Variants in AREL1 observed in about 807,000 individuals in gnomAD.
AREL1 encodes the protein apoptosis-resistant E3 ubiquitin protein ligase 1.
AREL1 carries 62 observed loss-of-function variants against 99.0 expected under a neutral mutation model. That is an observed-to-expected ratio of 0.63 (90% CI 0.51 to 0.77). The LOEUF is 0.77. Ranked by LOEUF, AREL1 falls within the 30% of genes least tolerant of loss-of-function variation. The probability of loss-of-function intolerance (pLI) is 0.00; values close to 1 mark genes in which losing one functional copy is unlikely to be tolerated. For synonymous variants in AREL1, 380 were observed against 376.5 expected, an observed-to-expected ratio of 1.01 and a Z score of -0.11; for missense variants, 879 against 1,027.6, an observed-to-expected ratio of 0.86 and a Z score of 1.98.
At chr14:74,698,729 G>A (rs1248740626) in intron 1 of AREL1, 1 of 171,282 alleles carries the variant, frequency 5.8e-6, no homozygotes, top group Non-Finnish European at 1.3e-5. Context: ...GATTACTTAA[G>A]AATGAGTAAG....
chr14:74,667,484 C>A lies in AREL1; in HGVS notation c.2025G>T (p.Glu675Asp), dbSNP rs1304595889. Residue 675 changes from glutamate to aspartate, a missense_variant, in exon 16 of 20, where the codon GAG becomes GAT. By Grantham distance (45) the Glu-to-Asp change is conservative. Transcript: ENST00000356357. ...QYRLASQVKEEVEHFLKGLNE... is the reference protein window; with the variant it reads ...QYRLASQVKEDVEHFLKGLNE... ...TCCCACCTTTTAGGAAATGTTCCAC[C>A]TCCTCTTTCACTTGACTGGCCAGCC... The A allele has an allele frequency of 6.8e-6, 11 of 1,613,360 alleles. No individual in the cohort carries two copies. In the Admixed American group the frequency reaches 1.7e-4, roughly 24 times the overall value.
In AREL1 at chr14:74,713,017, C is replaced by CA. The variant is rs1404693490; in HGVS notation, c.-419dup. The CA allele has an allele frequency of 1.0e-6, 1 of 1,004,890 alleles. No individual in the cohort carries two copies. Among genetic ancestry groups the CA allele is most frequent in the African/African-American group, 1.6e-5 (1 of 63,142 alleles). 62.2% of individuals were successfully genotyped at this position (1,004,890 alleles called of 1,614,324 possible). ...AGCACTCAGCAGAAGACGGGCTCCC[C>CA]ACTCTCCCACCAACAGACCCCAGAG... On this transcript the variant is annotated 5_prime_UTR_variant, in exon 1 of 20. Transcript: ENST00000356357.
intron 1 of AREL1, among the ~76,000 whole-genome samples, chr14:74,695,893 T>C (rs2089971697): frequency 6.6e-6 from 1 of 152,164 alleles, no homozygotes; most frequent in South Asian, 2.1e-4. Context: ...GAGCAATCAG[T>C]ATGAGAAGGG....
At chr14:74,669,818 C>T (rs2089290731) in intron 14 of AREL1, 44 bp from the exon 15 acceptor site, 2 of 1,609,622 alleles carry the variant, frequency 1.2e-6, no homozygotes, top group Non-Finnish European at 1.7e-6. Context: ...AATACTCTTG[C>T]CCTGAAAGGT....
At chr14:74,688,019 C>CA (rs1566693658) in intron 2 of AREL1, among the ~76,000 whole-genome samples, 37 of 108,718 alleles carry the variant, frequency 3.4e-4, no homozygotes, top group South Asian at 1.8e-3. Flanking sequence ...TGAGTACTTA[C>CA]TTTTTTTTTT....
At chr14:74,709,936 A>G (rs2090250265) in intron 1 of AREL1, among the ~76,000 whole-genome samples, 2 of 152,218 alleles carry the variant, frequency 1.3e-5, no homozygotes, top group Admixed American at 6.5e-5. Context: ...TCCAAGCCCA[A>G]TTATGTGTTC....
intron 13 of AREL1, chr14:74,670,537 G>A: frequency 1.9e-6 from 1 of 521,602 alleles, no homozygotes; most frequent in Non-Finnish European, 3.4e-6. Flanking sequence ...ATACTATAAT[G>A]TTTTTAGTCA....
rs764034669 is a variant in AREL1 at position 74,688,019 on chromosome 14, C to CTT, written c.-45-2361_-45-2360dup. Among the ~76,000 whole-genome samples, 83 of 108,720 alleles carry CTT rather than the reference C, an allele frequency of 7.6e-4. 4 individuals are homozygous for CTT. Among genetic ancestry groups the CTT allele is most frequent in the South Asian group, 1.2e-3 (4 of 3,416 alleles). 71.3% of individuals were successfully genotyped at this position (108,720 alleles called of 152,430 possible). A position where few individuals can be genotyped will look rare whatever the true frequency, so the allele number is the denominator to read the frequency against. On this transcript the variant is annotated intron_variant, in intron 2 of 19. Transcript: ENST00000356357. ...TCGTCCAACAAATACTGAGTACTTA[C>CTT]TTTTTTTTTTTTTTTTTTTTTTTTT...
chr14:74,677,264 G>A (rs1167022488), intron 5 of AREL1, among the ~76,000 whole-genome samples: 1 of 151,752 alleles, frequency 6.6e-6, no homozygotes, highest in Non-Finnish European at 1.5e-5. Context: ...GGAGGCCAAG[G>A]CCAGAGAATC....
At chr14:74,694,914 G>A (rs576119051) in intron 1 of AREL1, among the ~76,000 whole-genome samples, 184 of 151,108 alleles carry the variant, frequency 1.2e-3, no homozygotes, top group African/African-American at 4.2e-3. Flanking sequence ...GTGTGAACCC[G>A]GGAGGCGGAG....
intron 2 of AREL1, among the ~76,000 whole-genome samples, chr14:74,686,855 G>A (rs1398942510): frequency 6.6e-6 from 1 of 152,140 alleles, no homozygotes; most frequent in Non-Finnish European, 1.5e-5. Context: ...GAATTGTCAC[G>A]TGGATGAAGG....
Position 74,692,066 on chromosome 14 carries a change from G to C in AREL1, c.-71C>G. On this transcript the variant is annotated 5_prime_UTR_variant, in exon 2 of 20. Coordinates refer to ENST00000356357, the MANE Select transcript of AREL1 (RefSeq NM_001039479.2). The stretch of plus-strand genomic sequence containing the variant: ...CTTTAAACGAGGGCCCATGTTCTGA[G>C]AACCAAGTAGAGCACTCCTATTCAC... The C allele has an allele frequency of 2.5e-6, 1 of 406,606 alleles. No individual in the cohort carries two copies. The highest frequency in any genetic ancestry group is 1.8e-5 in the South Asian group (1 of 55,750). The allele number at this position is 406,606 out of a possible 1,614,324, so 25.2% of individuals were successfully genotyped here.
At chr14:74,689,633 T>C (rs1260524643) in intron 2 of AREL1, among the ~76,000 whole-genome samples, 2 of 148,492 alleles carry the variant, frequency 1.3e-5, no homozygotes, top group African/African-American at 2.5e-5. Context: ...GTTTCACTCT[T>C]GTTGCCCAGG....
At chr14:74,706,025 T>C (rs1486200085) in intron 1 of AREL1, among the ~76,000 whole-genome samples, 1 of 152,228 alleles carries the variant, frequency 6.6e-6, no homozygotes, top group Non-Finnish European at 1.5e-5. Context: ...TCCATGTCAC[T>C]GTCCCATTCT....
At chr14:74,690,581 A>G (rs1390611024) in intron 2 of AREL1, among the ~76,000 whole-genome samples, 5 of 152,222 alleles carry the variant, frequency 3.3e-5, no homozygotes, top group African/African-American at 1.2e-4. Context: ...CAGTTTCTAC[A>G]GCATGCTCTA....
intron 18 of AREL1, 39 bp from the exon 19 acceptor site, chr14:74,664,113 A>G: frequency 6.3e-7 from 1 of 1,592,908 alleles, no homozygotes; most frequent in Non-Finnish European, 8.6e-7. Flanking sequence ...ACACACAGTA[A>G]ACAAGCTAGG....
intron 2 of AREL1, 57 bp from the exon 3 acceptor site, chr14:74,685,717 A>C: frequency 6.7e-7 from 1 of 1,485,790 alleles, no homozygotes; most frequent in South Asian, 1.2e-5. Flanking sequence ...TAGCTATCTC[A>C]GAGTAAGACA....
intron 17 of AREL1, among the ~76,000 whole-genome samples, chr14:74,666,160 A>C (rs2089204352): frequency 6.6e-6 from 1 of 152,252 alleles, no homozygotes. Context: ...ACTTCAGTTA[A>C]TAGAAATAAG....
At chr14:74,688,896 G>A (rs931709132) in intron 2 of AREL1, among the ~76,000 whole-genome samples, 1 of 151,792 alleles carries the variant, frequency 6.6e-6, no homozygotes, top group Non-Finnish European at 1.5e-5. Context: ...GAGTGCAGTG[G>A]CATAATCTTG....
Sources: allele counts gnomAD v4.1 joint callset (sites outside exome capture counted in the v4.1 genomes callset), GRCh38; gene constraint gnomAD v4.1.1; transcripts MANE v1.5; gene names NCBI Gene and HGNC (gene_info 2026-07-23, HGNC 2026-07-21).